The following FAM120A variants were observed in gnomAD, a reference collection of about 807,000 sequenced individuals.
FAM120A encodes family with sequence similarity 120 member A.
A neutral mutation model predicts 109.7 loss-of-function variants in FAM120A; 15 were observed. The observed-to-expected ratio is 0.14, with a 90% CI of 0.09 to 0.21. The LOEUF is 0.21. Ranked by LOEUF, FAM120A falls within the 10% of genes least tolerant of loss-of-function variation. FAM120A has a pLI of 1.00. For synonymous variants in FAM120A, 493 were observed against 572.8 expected (o/e 0.86, Z 1.99); for missense variants, 899 against 1,439.3 (o/e 0.62, Z 6.07).
intron 3 of FAM120A, among the ~76,000 whole-genome samples, chr9:93,493,844 T>C (rs769878920): frequency 5.9e-5 from 9 of 152,228 alleles, no homozygotes; most frequent in Non-Finnish European, 1.0e-4. Context: ...AGCCAGCTTC[T>C]GTCCGTAGTG....
Position 93,498,959 on chromosome 9 carries a change from AT to A in FAM120A, c.1030+74del. On this transcript the variant is annotated intron_variant, in intron 5 of 17. Coordinates refer to ENST00000277165, the MANE Select transcript of FAM120A (RefSeq NM_014612.5). The surrounding 1 kb of genome is among the most constrained non-coding windows in gnomAD (Gnocchi z 4.4). ...AGTAGGTTTAAATATTCACCATATA[AT>A]CTTGTAGGTTTATGTTTTTGAAACA... is the stretch of plus-strand genomic sequence containing the variant. 3 of 972,604 alleles carry A rather than the reference AT, an allele frequency of 3.1e-6. No individual in the cohort carries two copies. Among genetic ancestry groups the A allele is most frequent in the Non-Finnish European group, 4.9e-6 (3 of 609,314 alleles). The allele number at this position is 972,604 out of a possible 1,614,324, so 60.2% of individuals were successfully genotyped here. A position where few individuals can be genotyped will look rare whatever the true frequency, so the allele number is the denominator to read the frequency against.
At chr9:93,557,081 C>T (rs1862307207) in intron 13 of FAM120A, among the ~76,000 whole-genome samples, 1 of 151,020 alleles carries the variant, frequency 6.6e-6, no homozygotes, top group Non-Finnish European at 1.5e-5. Flanking sequence ...CCAGACAGCA[C>T]TTCAGCACTA....
intron 3 of FAM120A, among the ~76,000 whole-genome samples, chr9:93,493,997 G>A (rs888371699): frequency 7.2e-5 from 11 of 152,182 alleles, no homozygotes; most frequent in African/African-American, 2.2e-4. Flanking sequence ...GCGGTTGCAG[G>A]TCTGACACAT....
At chr9:93,478,695 C>T (rs1181760874) in intron 3 of FAM120A, among the ~76,000 whole-genome samples, 1 of 152,186 alleles carries the variant, frequency 6.6e-6, no homozygotes, top group Non-Finnish European at 1.5e-5. Context: ...ATATTCGTCT[C>T]GAACACCTGA....
In FAM120A at chr9:93,484,567, T is replaced by C. The variant is rs1432051589; in HGVS notation, c.804+8229T>C. Among the ~76,000 whole-genome samples the C allele has an allele frequency of 2.0e-5, 3 of 152,148 alleles. No individual in the cohort carries two copies. The East Asian group carries it at 5.8e-4, about 29-fold the overall frequency. ...GCTCAGCAATAGTGTCTTTGCTAAC[T>C]GTGCTTTATTATTATTATTATTTTA... On this transcript the variant is annotated intron_variant, in intron 3 of 17. Transcript: ENST00000277165.
chr9:93,486,535 C>CT (rs139344165), intron 3 of FAM120A, among the ~76,000 whole-genome samples: 267 of 138,518 alleles, frequency 1.9e-3, no homozygotes, highest in Admixed American at 3.8e-3. Context: ...TTTCTTTTTT[C>CT]TTTTTTTTTT....
chr9:93,492,164 TTGTG>T, intron 3 of FAM120A, among the ~76,000 whole-genome samples: 1 of 151,082 alleles, frequency 6.6e-6, no homozygotes, highest in Non-Finnish European at 1.5e-5. Context: ...TTTATACAGG[TTGTG>T]TGTGTGTGTG....
chr9:93,545,710 A>G (rs545693737), intron 11 of FAM120A, among the ~76,000 whole-genome samples: 155 of 149,506 alleles, frequency 1.0e-3, no homozygotes, highest in Middle Eastern at 7.0e-3. Flanking sequence ...AATTAAATGG[A>G]GATTGACTTA....
intron 3 of FAM120A, among the ~76,000 whole-genome samples, chr9:93,486,270 G>A (rs1859049175): frequency 6.6e-6 from 1 of 151,616 alleles, no homozygotes; most frequent in African/African-American, 2.4e-5. Context: ...CCCACACCCA[G>A]CCTACTGCAT....
chr9:93,498,522 A>G lies in FAM120A; in HGVS notation c.934-268A>G, dbSNP rs536011809. 2.3e-3 allele frequency among the ~76,000 whole-genome samples: 346 copies of G among 152,354 alleles called. 1 individual carries two copies. The highest frequency in any genetic ancestry group is 8.1e-3 in the African/African-American group (335 of 41,576). ...CCAGAGACCGAGCAGAGTGGAAGTC[A>G]GGGAAGTCCTAGAGCTAGAACCCAG... is the stretch of plus-strand genomic sequence containing the variant. On this transcript the variant is annotated intron_variant, in intron 4 of 17. Transcript: ENST00000277165. This position sits in a 1 kb window ranked among gnomAD's most constrained non-coding sequence, Gnocchi z 4.4.
intron 1 of FAM120A, among the ~76,000 whole-genome samples, chr9:93,457,960 C>G (rs533358373): frequency 6.6e-6 from 1 of 152,150 alleles, no homozygotes; most frequent in Non-Finnish European, 1.5e-5. Context: ...TTGGCCACTT[C>G]CATAGTATAT....
At chr9:93,502,919 A>T (rs949035561) in intron 5 of FAM120A, among the ~76,000 whole-genome samples, 1 of 152,370 alleles carries the variant, frequency 6.6e-6, no homozygotes, top group African/African-American at 2.4e-5. Flanking sequence ...AAGTAACACA[A>T]CTAACACTGA....
At chr9:93,563,839 T>C (rs1862550568) in intron 17 of FAM120A, among the ~76,000 whole-genome samples, 1 of 152,242 alleles carries the variant, frequency 6.6e-6, no homozygotes. Context: ...TGTGTGCTGC[T>C]GCACATCACA....
chr9:93,561,378 T>C (rs1394430218), intron 16 of FAM120A, 128 bp downstream of exon 16: 1 of 831,036 alleles, frequency 1.2e-6, no homozygotes, highest in East Asian at 3.0e-5. Flanking sequence ...ATATCATTTG[T>C]ATTTAATTAT....
intron 5 of FAM120A, among the ~76,000 whole-genome samples, chr9:93,503,865 A>G (rs16909211): frequency 0.13 from 19,844 of 151,974 alleles, 2,915 homozygotes; most frequent in African/African-American, 0.36. Context: ...TTTAAAGTAA[A>G]GAGCTCGTTG....
intron 3 of FAM120A, among the ~76,000 whole-genome samples, chr9:93,488,812 T>G (rs1369624830): frequency 1.3e-5 from 2 of 152,090 alleles, no homozygotes; most frequent in African/African-American, 2.4e-5. Flanking sequence ...TACTTCTGTT[T>G]CAGTCACTGC....
rs1862606440 is a variant in FAM120A, at chr9:93,565,592, A to C, written c.*1052A>C. On this transcript the variant is annotated 3_prime_UTR_variant, in exon 18 of 18. Coordinates refer to ENST00000277165, the MANE Select transcript of FAM120A (RefSeq NM_014612.5). ...TCTAGCCGTTTCGAATATCAACATTACCCTGGTGTATTCACTGCTGTATGC... is the reference window on the plus strand; with the variant it reads ...TCTAGCCGTTTCGAATATCAACATTCCCCTGGTGTATTCACTGCTGTATGC... The C allele has an allele frequency of 6.6e-6, 1 of 151,828 alleles. No homozygotes were observed. The highest frequency in any genetic ancestry group is 2.1e-4 in the South Asian group (1 of 4,798). The allele number at this position is 151,828 out of a possible 1,614,324, so 9.4% of individuals were successfully genotyped here.
chr9:93,538,488 C>T (rs909059118), intron 10 of FAM120A, among the ~76,000 whole-genome samples: 4 of 152,146 alleles, frequency 2.6e-5, no homozygotes, highest in South Asian at 2.1e-4. Flanking sequence ...CAGGAAAGCT[C>T]GTCAAGTATA....
intron 1 of FAM120A, among the ~76,000 whole-genome samples, chr9:93,465,410 A>C (rs1857974017): frequency 6.6e-6 from 1 of 152,126 alleles, no homozygotes; most frequent in African/African-American, 2.4e-5. Flanking sequence ...GTTTCTTTCA[A>C]CTGGACTACC....
Sources: allele counts gnomAD v4.1 joint callset (sites outside exome capture counted in the v4.1 genomes callset), GRCh38; gene constraint gnomAD v4.1.1; non-coding constraint Gnocchi (gnomAD v3.1); transcripts MANE v1.5; gene names NCBI Gene and HGNC (gene_info 2026-07-23, HGNC 2026-07-21).